GREM2: variants seen among roughly 807,000 people sequenced by gnomAD.
The protein encoded by GREM2 is gremlin 2, DAN family BMP antagonist.
Under a neutral mutation model 14.2 loss-of-function variants are expected in GREM2, and 11 were observed. The ratio of observed to expected loss-of-function variants is 0.78; its 90% CI spans 0.49 to 1.28. The LOEUF is 1.28. Ranked by LOEUF, GREM2 falls within the 50% of genes most tolerant of loss-of-function variation. GREM2 has a pLI of 0.00. For synonymous variants in GREM2, 98 were observed against 97.6 expected (o/e 1.00, Z -0.02); for missense variants, 210 against 218.5 (o/e 0.96, Z 0.24).
At chr1:240,597,612 T>A (rs1177596644) in intron 1 of GREM2, among the ~76,000 whole-genome samples, 1 of 152,212 alleles carries the variant, frequency 6.6e-6, no homozygotes, top group Non-Finnish European at 1.5e-5. Flanking sequence ...TGGGAGCTGC[T>A]GAGAGGCAAG....
At chr1:240,608,793 C>A (rs375629636) in intron 1 of GREM2, among the ~76,000 whole-genome samples, 1 of 152,162 alleles carries the variant, frequency 6.6e-6, no homozygotes, top group East Asian at 1.9e-4. Flanking sequence ...TTTACTAAGA[C>A]TCTAGAGTTG....
intron 1 of GREM2, among the ~76,000 whole-genome samples, chr1:240,521,439 G>GC (rs770715682): frequency 0.12 from 17,823 of 148,372 alleles, 1,849 homozygotes; most frequent in African/African-American, 0.27. Context: ...GGCATGGTGA[G>GC]GGGCGACTGT....
At chr1:240,569,159 G>A (rs72752868) in intron 1 of GREM2, among the ~76,000 whole-genome samples, 20,536 of 152,060 alleles carry the variant, frequency 0.14, 1,803 homozygotes, top group South Asian at 0.28. Context: ...GTACAAATGC[G>A]TACATTAAAA....
chr1:240,577,124 C>T (rs1254240052), intron 1 of GREM2, among the ~76,000 whole-genome samples: 1 of 152,104 alleles, frequency 6.6e-6, no homozygotes, highest in African/African-American at 2.4e-5. Flanking sequence ...TTTTCCTTTA[C>T]CAAGTCATGC....
chr1:240,603,780 T>G (rs1679973052), intron 1 of GREM2, among the ~76,000 whole-genome samples: 1 of 151,766 alleles, frequency 6.6e-6, no homozygotes, highest in Non-Finnish European at 1.5e-5. Context: ...CACATATATG[T>G]TATTGTGTTA....
intron 1 of GREM2, among the ~76,000 whole-genome samples, chr1:240,553,282 A>C (rs891501526): frequency 6.6e-6 from 1 of 152,204 alleles, no homozygotes; most frequent in Non-Finnish European, 1.5e-5. Flanking sequence ...AGCTAGTCTG[A>C]GTGTGGAAAG....
intron 1 of GREM2, among the ~76,000 whole-genome samples, chr1:240,597,799 C>T (rs1679850175): frequency 6.6e-6 from 1 of 152,046 alleles, no homozygotes; most frequent in African/African-American, 2.4e-5. Context: ...TTAACAGAGC[C>T]TTACTTTCAA....
chr1:240,572,548 C>G (rs1679280405), intron 1 of GREM2, among the ~76,000 whole-genome samples: 1 of 152,166 alleles, frequency 6.6e-6, no homozygotes, highest in South Asian at 2.1e-4. Context: ...AAAACACTCC[C>G]TGTAACTAGT....
chr1:240,493,178 G>A lies in GREM2; in HGVS notation c.298C>T (p.Gln100Ter). ...CGCGGGATGTAGAAGGAGTTGCACT[G>A]GCCGTAGCAGAAGCGGTTGAGGATG... is the stretch of plus-strand genomic sequence containing the variant. Reference protein sequence around the residue: ...RTILNRFCYGQCNSFYIPRHV... With the variant: ...RTILNRFCYG The change falls in exon 2 of 2, where the codon CAG becomes TAG. Residue 100 changes from glutamine (Q) to a stop codon, truncating the protein, a stop_gained. Coordinates refer to ENST00000318160, the MANE Select transcript of GREM2 (RefSeq NM_022469.4). LOFTEE classifies it high-confidence loss of function. 1 of 1,614,188 alleles carries A rather than the reference G, an allele frequency of 6.2e-7. No individual in the cohort carries two copies. The highest frequency in any genetic ancestry group is 8.5e-7 in the Non-Finnish European group (1 of 1,180,042).
chr1:240,573,943 G>A (rs181883525), intron 1 of GREM2, among the ~76,000 whole-genome samples: 5 of 152,100 alleles, frequency 3.3e-5, no homozygotes, highest in Non-Finnish European at 7.4e-5. Flanking sequence ...TTGTTTTGAC[G>A]AACTCTCACA....
At chr1:240,520,203 T>C (rs2103301735) in intron 1 of GREM2, among the ~76,000 whole-genome samples, 1 of 152,286 alleles carries the variant, frequency 6.6e-6, no homozygotes, top group African/African-American at 2.4e-5. Context: ...TTTTTGTGTG[T>C]ATGAGTATGC....
rs537565715 is a variant in GREM2, at chr1:240,563,964, C to A, written c.-2+47920G>T. Among the ~76,000 whole-genome samples the A allele has an allele frequency of 4.1e-4, 62 of 152,244 alleles. 2 individuals carry two copies. The South Asian group carries it at 0.013, about 31-fold the overall frequency. On this transcript the variant is annotated intron_variant, in intron 1 of 1. Coordinates refer to ENST00000318160, the MANE Select transcript of GREM2 (RefSeq NM_022469.4). Reference sequence around the variant, plus strand: ...GTGGCTCACACCTGTGATCTCAACACTTTGGGAGACCAAAGTGGAAGGATC... The same window carrying A: ...GTGGCTCACACCTGTGATCTCAACAATTTGGGAGACCAAAGTGGAAGGATC...
At chr1:240,554,662 C>T (rs1264197455) in intron 1 of GREM2, among the ~76,000 whole-genome samples, 1 of 152,122 alleles carries the variant, frequency 6.6e-6, no homozygotes, top group Non-Finnish European at 1.5e-5. Flanking sequence ...TTTACATTGT[C>T]ACAAAATAAA....
intron 1 of GREM2, among the ~76,000 whole-genome samples, chr1:240,493,717 G>A (rs1056800988): frequency 5.5e-4 from 83 of 151,480 alleles, no homozygotes; most frequent in African/African-American, 2.0e-3. Context: ...TTTTTGTAGA[G>A]ACGGGATCTC....
chr1:240,602,936 G>A (rs1679957031), intron 1 of GREM2, among the ~76,000 whole-genome samples: 1 of 151,938 alleles, frequency 6.6e-6, no homozygotes, highest in Admixed American at 6.6e-5. Flanking sequence ...AGCCGGGTGT[G>A]GTGGCGGGCG....
intron 1 of GREM2, among the ~76,000 whole-genome samples, chr1:240,577,476 G>T (rs12117286): frequency 0.27 from 41,498 of 152,062 alleles, 6,388 homozygotes; most frequent in African/African-American, 0.41. Context: ...TTCAGTTTGG[G>T]TTCTCACCAT....
At chr1:240,578,760 G>A (rs1324742367) in intron 1 of GREM2, among the ~76,000 whole-genome samples, 1 of 150,866 alleles carries the variant, frequency 6.6e-6, no homozygotes, top group African/African-American at 2.4e-5. Flanking sequence ...CTCCAGCCTG[G>A]GTAACAGAGT....
chr1:240,592,766 G>A (rs1395023858), intron 1 of GREM2, among the ~76,000 whole-genome samples: 6 of 152,196 alleles, frequency 3.9e-5, no homozygotes, highest in Non-Finnish European at 7.4e-5. Flanking sequence ...CTCCCCTGCC[G>A]CATGCACTGG....
chr1:240,551,951 G>A (rs1164447480), intron 1 of GREM2, among the ~76,000 whole-genome samples: 2 of 152,180 alleles, frequency 1.3e-5, no homozygotes, highest in Middle Eastern at 3.4e-3. Context: ...AAATAAGAGG[G>A]TGTATCTAAG....
Sources: gnomAD v4.1 joint callset for allele counts (sites outside exome capture counted in the v4.1 genomes callset) on GRCh38, gnomAD v4.1.1 for gene constraint, MANE v1.5 for transcripts, NCBI Gene and HGNC (gene_info 2026-07-23, HGNC 2026-07-21) for gene names.